The following GFRA2 variants were observed in gnomAD, a reference collection of about 807,000 sequenced individuals.
GFRA2 encodes GDNF family receptor alpha-2.
In GFRA2, 17 loss-of-function variants were observed where a neutral mutation model predicts 48.3. The ratio of observed to expected loss-of-function variants is 0.35; its 90% confidence interval spans 0.24 to 0.53. The LOEUF (loss-of-function observed/expected upper bound fraction) is 0.53, where lower values mean the gene tolerates loss of function less well. Among genes scored for constraint, GFRA2 ranks in the 20% least tolerant of loss-of-function variants. The pLI, the probability that GFRA2 is intolerant of heterozygous loss-of-function variation, is 0.93. For synonymous variants in GFRA2, 305 were observed against 257.2 expected, an observed-to-expected ratio of 1.19 and a Z score of -1.78; for missense variants, 660 against 637.3, an observed-to-expected ratio of 1.04 and a Z score of -0.38.
rs979737945 is a variant in GFRA2, at chr8:21,691,658, C to T, written c.*1620G>A. On this transcript the variant is annotated 3_prime_UTR_variant, in exon 9 of 9. Coordinates refer to ENST00000524240, the MANE Select transcript of GFRA2 (RefSeq NM_001495.5). ...CAGCCTGACAATAAAACATTCCCAA[C>T]GTGTGATGCCAAGCTGTGGCTCCCC... 1.3e-5 allele frequency: 2 copies of T among 152,252 alleles called. No homozygotes were observed. Among genetic ancestry groups the T allele is most frequent in the Non-Finnish European group, 2.9e-5 (2 of 68,078 alleles). The allele number at this position is 152,252 out of a possible 1,614,324, so 9.4% of individuals were successfully genotyped here. A position where few individuals can be genotyped will look rare whatever the true frequency, so the allele number is the denominator to read the frequency against.
chr8:21,785,371 A>G (rs1807220959), intron 1 of GFRA2, among the ~76,000 whole-genome samples: 1 of 151,960 alleles, frequency 6.6e-6, no homozygotes, highest in Non-Finnish European at 1.5e-5. Flanking sequence ...ACCATCCTTG[A>G]CTCTTCTAGT....
chr8:21,765,940 T>TG (rs1422592683), intron 3 of GFRA2, among the ~76,000 whole-genome samples: 4 of 152,162 alleles, frequency 2.6e-5, no homozygotes, highest in Non-Finnish European at 4.4e-5. Flanking sequence ...TATGACCGTC[T>TG]GCAGCAACCT....
chr8:21,768,152 C>T (rs940492784), intron 3 of GFRA2, among the ~76,000 whole-genome samples: 127 of 152,340 alleles, frequency 8.3e-4, no homozygotes, highest in African/African-American at 2.9e-3. Context: ...TTGCACCCCA[C>T]ACCTGCTCCT....
upstream of GFRA2, chr8:21,789,266 C>G (rs1807445427): frequency 6.5e-6 from 1 of 153,686 alleles, no homozygotes; most frequent in Non-Finnish European, 1.5e-5. Context: ...GGGCTCGAAC[C>G]CACTCAAGCG....
chr8:21,739,534 G>C (rs767286576), intron 4 of GFRA2, among the ~76,000 whole-genome samples: 1 of 152,122 alleles, frequency 6.6e-6, no homozygotes, highest in Non-Finnish European at 1.5e-5. Flanking sequence ...AGATAACAGG[G>C]CTACCTGCAT....
chr8:21,807,559 G>A lies in GFRA2; in HGVS notation c.-147-2431C>T, dbSNP rs535535058. On this transcript the variant is annotated intron_variant, in intron 1 of 10. Transcript: ENST00000517328. ...TTACATATATTCTCACAGTTCTGGA[G>A]GCTGGAATTCTGAGATCAAGGCTTC... Among the ~76,000 whole-genome samples the A allele has an allele frequency of 9.8e-5, 15 of 152,302 alleles. No homozygotes were observed. The South Asian group carries it at 3.1e-3, about 32-fold the overall frequency.
intron 4 of GFRA2, among the ~76,000 whole-genome samples, chr8:21,714,596 C>G (rs2117415081): frequency 6.6e-6 from 1 of 152,178 alleles, no homozygotes; most frequent in South Asian, 2.1e-4. Flanking sequence ...CAGGTTTGTC[C>G]TGGTTGCAGA....
chr8:21,714,510 C>G (rs1248336419), intron 4 of GFRA2, among the ~76,000 whole-genome samples: 1 of 152,032 alleles, frequency 6.6e-6, no homozygotes, highest in African/African-American at 2.4e-5. Context: ...CTCAGCCTCC[C>G]AAAGTGCTAG....
chr8:21,765,148 G>A (rs1806095352), intron 3 of GFRA2, among the ~76,000 whole-genome samples: 2 of 151,218 alleles, frequency 1.3e-5, no homozygotes. Flanking sequence ...GTCTTACTCT[G>A]TCACCCACAC....
At chr8:21,771,256 A>T (rs1806424388) in intron 3 of GFRA2, among the ~76,000 whole-genome samples, 1 of 152,166 alleles carries the variant, frequency 6.6e-6, no homozygotes, top group Non-Finnish European at 1.5e-5. Flanking sequence ...CATCTGGCTC[A>T]AGGCCCGTGC....
At position 21,702,908 on chromosome 8, in the gene GFRA2, G is replaced by C; in HGVS notation, c.1115C>G (p.Ala372Gly). The part of the protein sequence containing the change: ...NVSPKGPSFQ[A>G]TQAPRVEKTP... ...CTTCTCCACCCGAGGGGCCTGGGTGGCCTGGAACGAGGGGCCTTTTGGGGA... is the reference window on the plus strand; with the variant it reads ...CTTCTCCACCCGAGGGGCCTGGGTGCCCTGGAACGAGGGGCCTTTTGGGGA... The change falls in exon 7 of 9, where the codon GCC (alanine) becomes GGC (glycine). Residue 372 changes from alanine to glycine, a missense_variant. By Grantham distance (60) the Ala-to-Gly change is moderately conservative. Transcript: ENST00000524240. 6.3e-7 allele frequency: 1 copy of C among 1,593,510 alleles called. No homozygotes were observed. Among genetic ancestry groups the C allele is most frequent in the Admixed American group, 1.8e-5 (1 of 55,950 alleles).
At position 21,710,271 on chromosome 8, in the gene GFRA2, C is replaced by T. The variant is rs73669519; in HGVS notation, c.795-4230G>A. On this transcript the variant is annotated intron_variant, in intron 4 of 8. Transcript: ENST00000524240. ...GAGCTAAGGAGACAATGAGTGAGGG[C>T]GCTTGGAATGGCAGGCGCCCGATGG... Among the ~76,000 whole-genome samples the T allele has an allele frequency of 4.5e-3, 683 of 152,304 alleles. 6 individuals carry two copies. The highest frequency in any genetic ancestry group is 0.016 in the African/African-American group (657 of 41,586).
rs543526119 is a variant in GFRA2, at chr8:21,734,228, T to C, written c.794+16360A>G. Among the ~76,000 whole-genome samples, 13 of 152,340 alleles carry C rather than the reference T, an allele frequency of 8.5e-5. No homozygotes were observed. The South Asian group carries it at 1.9e-3, about 22-fold the overall frequency. ...GAAGGAAGCAGAGGCAGTTTCCCTTTTGCCAAGATTGGGCTAGCCTGAAAT... is the reference window on the plus strand; with the variant it reads ...GAAGGAAGCAGAGGCAGTTTCCCTTCTGCCAAGATTGGGCTAGCCTGAAAT... On this transcript the variant is annotated intron_variant, in intron 4 of 8. Transcript: ENST00000524240.
intron 4 of GFRA2, among the ~76,000 whole-genome samples, chr8:21,745,984 C>A (rs748601934): frequency 3.3e-5 from 5 of 152,188 alleles, no homozygotes; most frequent in Non-Finnish European, 7.3e-5. Flanking sequence ...AGGGAGAAAG[C>A]AGACAGGAAA....
chr8:21,809,999 T>G (rs79841976), intron 1 of GFRA2, among the ~76,000 whole-genome samples: 2,926 of 152,164 alleles, frequency 0.019, 77 homozygotes, highest in African/African-American at 0.066. Context: ...CTGGAACACA[T>G]ATTTTACCCT....
chr8:21,739,987 T>A (rs1804670530), intron 4 of GFRA2, among the ~76,000 whole-genome samples: 1 of 152,178 alleles, frequency 6.6e-6, no homozygotes, highest in South Asian at 2.1e-4. Context: ...GGCAGCCATA[T>A]CGTGGCCCCT....
chr8:21,701,478 TG>T (rs1263855453), intron 7 of GFRA2, among the ~76,000 whole-genome samples: 5 of 152,238 alleles, frequency 3.3e-5, no homozygotes, highest in African/African-American at 1.2e-4. Flanking sequence ...AGAAGAAGCC[TG>T]GAGAGTGGTA....
rs140723931 is a variant in GFRA2 at position 21,703,533 on chromosome 8, C to G, written c.1046-556G>C. Among the ~76,000 whole-genome samples, 568 of 152,298 alleles carry G rather than the reference C, an allele frequency of 3.7e-3. 2 individuals carry two copies. The highest frequency in any genetic ancestry group is 0.013 in the African/African-American group (539 of 41,560). Reference sequence around the variant, plus strand: ...GGTGCCCAGAAAATCTCCGCCTCCACGAGCCACACACATCTCAAACTCGTT... The same window carrying G: ...GGTGCCCAGAAAATCTCCGCCTCCAGGAGCCACACACATCTCAAACTCGTT... On this transcript the variant is annotated intron_variant, in intron 6 of 8. Transcript: ENST00000524240.
At chr8:21,723,276 T>A (rs1045677631) in intron 4 of GFRA2, among the ~76,000 whole-genome samples, 1 of 152,188 alleles carries the variant, frequency 6.6e-6, no homozygotes, top group Non-Finnish European at 1.5e-5. Context: ...GGTTCAGGCA[T>A]CTGGCAAGGT....
Sources: gnomAD v4.1 joint callset for allele counts (sites outside exome capture counted in the v4.1 genomes callset) on GRCh38, gnomAD v4.1.1 for gene constraint, MANE v1.5 for transcripts, NCBI Gene and HGNC (gene_info 2026-07-23, HGNC 2026-07-21) for gene names.